KIF5B: variants seen among roughly 807,000 people sequenced by gnomAD.
KIF5B encodes the protein kinesin family member 5B, also known as kinesin-1 heavy chain.
KIF5B carries 49 observed loss-of-function variants against 132.8 expected under a neutral mutation model. That is an observed-to-expected ratio of 0.37 (90% CI 0.29 to 0.47). The LOEUF (loss-of-function observed/expected upper bound fraction) is 0.47. Among genes scored for constraint, KIF5B ranks in the 20% least tolerant of loss-of-function variants. KIF5B has a pLI of 1.00. For missense variants in KIF5B, 780 were observed against 1,144.0 expected (o/e 0.68, Z 4.59); for synonymous variants, 355 against 369.4 (o/e 0.96, Z 0.45).
intron 14 of KIF5B, among the ~76,000 whole-genome samples, chr10:32,029,718 C>T (rs1841378098): frequency 6.6e-6 from 1 of 152,202 alleles, no homozygotes; most frequent in South Asian, 2.1e-4. Context: ...TGATAGATTT[C>T]AGCTCCACAA....
intron 1 of KIF5B, 47 bp from the exon 2 acceptor site, chr10:32,048,598 A>G (rs143536412): frequency 8.2e-6 from 11 of 1,343,444 alleles, no homozygotes; most frequent in Middle Eastern, 3.6e-4. Context: ...AAGGTAAATG[A>G]ACATTTCTAA....
chr10:32,021,608 C>CA (rs397808999), intron 17 of KIF5B, among the ~76,000 whole-genome samples: 6 of 147,802 alleles, frequency 4.1e-5, no homozygotes, highest in Non-Finnish European at 7.5e-5. Flanking sequence ...CACACACACA[C>CA]CCCGCTTCGT....
chr10:32,039,288 G>T, intron 4 of KIF5B, 39 bp downstream of exon 4: 1 of 737,590 alleles, frequency 1.4e-6, no homozygotes, highest in Non-Finnish European at 2.3e-6. Flanking sequence ...CATTATTCTT[G>T]CTGTAAAATA....
intron 1 of KIF5B, among the ~76,000 whole-genome samples, chr10:32,050,411 T>C (rs1446406661): frequency 6.6e-6 from 1 of 152,236 alleles, no homozygotes; most frequent in East Asian, 1.9e-4. Context: ...GTTGTTATCC[T>C]GATAAAAAGG....
intron 2 of KIF5B, among the ~76,000 whole-genome samples, chr10:32,042,208 A>C (rs990373645): frequency 3.3e-5 from 5 of 152,188 alleles, no homozygotes; most frequent in African/African-American, 1.2e-4. Context: ...AAAAGAAAAA[A>C]AAACCCCAAC....
intron 25 of KIF5B, among the ~76,000 whole-genome samples, chr10:32,015,100 C>T (rs1175792799): frequency 1.4e-5 from 2 of 147,618 alleles, no homozygotes; most frequent in Admixed American, 6.8e-5. Context: ...CCAGGCTGGG[C>T]GACAAGAGTG....
chr10:32,025,407 A>C (rs185947699), intron 15 of KIF5B, among the ~76,000 whole-genome samples: 19 of 152,234 alleles, frequency 1.2e-4, no homozygotes, highest in Non-Finnish European at 1.8e-4. Flanking sequence ...ACAGAGTCTC[A>C]CTCTGTCACC....
chr10:32,048,890 C>G (rs954551646), intron 1 of KIF5B, among the ~76,000 whole-genome samples: 1 of 152,080 alleles, frequency 6.6e-6, no homozygotes, highest in African/African-American at 2.4e-5. Context: ...ATTTTTGAGA[C>G]AGGGTCTCGG....
chr10:32,030,962 A>G lies in KIF5B; in HGVS notation c.1581+111T>C, dbSNP rs1841396114. 3 of 736,588 alleles carry G rather than the reference A, an allele frequency of 4.1e-6. No individual in the cohort carries two copies. In the African/African-American group the frequency reaches 5.3e-5, roughly 13 times the overall value. 45.6% of individuals were successfully genotyped at this position (736,588 alleles called of 1,614,324 possible). A position where few individuals can be genotyped will look rare whatever the true frequency, so the allele number is the denominator to read the frequency against. ...GAAGTTGAAACCCGAGTCCTTGAAA[A>G]TTGATGTTATCGATATTTGACTTAC... On this transcript the variant is annotated intron_variant, in intron 14 of 25. Coordinates refer to ENST00000302418, the MANE Select transcript of KIF5B (RefSeq NM_004521.3).
At chr10:32,050,865 G>A (rs1426659513) in intron 1 of KIF5B, among the ~76,000 whole-genome samples, 1 of 152,168 alleles carries the variant, frequency 6.6e-6, no homozygotes, top group Admixed American at 6.5e-5. Context: ...GAACAATTCT[G>A]AAAACAAACG....
intron 20 of KIF5B, among the ~76,000 whole-genome samples, 170 bp from the exon 21 acceptor site, chr10:32,018,732 T>A (rs1232266838): frequency 1.3e-5 from 2 of 150,484 alleles, no homozygotes; most frequent in African/African-American, 4.9e-5. Context: ...AAAAAAAAAT[T>A]TTTTTTTTTT....
chr10:32,041,695 T>C (rs1841541338), intron 2 of KIF5B, among the ~76,000 whole-genome samples: 1 of 152,230 alleles, frequency 6.6e-6, no homozygotes, highest in African/African-American at 2.4e-5. Flanking sequence ...CATAGCTCAC[T>C]GGTCACTGCA....
chr10:32,024,790 A>G (rs999573351), intron 15 of KIF5B, among the ~76,000 whole-genome samples: 1 of 150,560 alleles, frequency 6.6e-6, no homozygotes, highest in Non-Finnish European at 1.5e-5. Flanking sequence ...AAAACTCAAC[A>G]ACAGGGCCAG....
chr10:32,041,236 AAGTTT>A (rs1196665499), intron 2 of KIF5B, among the ~76,000 whole-genome samples: 3 of 152,092 alleles, frequency 2.0e-5, no homozygotes, highest in Non-Finnish European at 4.4e-5. Context: ...GACTCCATCA[AAGTTT>A]AGTACATAAA....
In KIF5B at chr10:32,037,503, T is replaced by C. The variant is rs1413235806; in HGVS notation, c.586+17A>G. 1 of 1,597,490 alleles carries C rather than the reference T, an allele frequency of 6.3e-7. No individual in the cohort carries two copies. The highest frequency in any genetic ancestry group is 1.1e-5 in the South Asian group (1 of 90,690). On this transcript the variant is annotated intron_variant, in intron 7 of 25. Transcript: ENST00000302418. Reference sequence around the variant, plus strand: ...TAAGCTGGTTTTAAATCCTAACCAGTGTTATTTTCTACTTACTTGTAACTG... The same window carrying C: ...TAAGCTGGTTTTAAATCCTAACCAGCGTTATTTTCTACTTACTTGTAACTG...
rs1463841873 is a variant in KIF5B at position 32,031,216 on chromosome 10, C to G, written c.1438G>C (p.Glu480Gln). Reference protein sequence around the residue: ...MQAELNRLQAENDASKEEVKE... With the variant: ...MQAELNRLQAQNDASKEEVKE... Reference sequence around the variant, plus strand: ...ACTTCTTCTTTAGAGGCATCATTTTCTGCTTGAAGGCGATTCAGCTCAGCT... The same window carrying G: ...ACTTCTTCTTTAGAGGCATCATTTTGTGCTTGAAGGCGATTCAGCTCAGCT... The change falls in exon 14 of 26, where the codon GAA becomes CAA. Residue 480 changes from glutamate (E) to glutamine (Q), a missense_variant. By Grantham distance (29) the Glu-to-Gln change is conservative. Around this residue, in one of 9 missense-constraint regions of KIF5B, gnomAD observed 471 missense variants for 569.9 expected, o/e 0.83. Coordinates refer to ENST00000302418, the MANE Select transcript of KIF5B (RefSeq NM_004521.3). The G allele has an allele frequency of 6.2e-7, 1 of 1,614,020 alleles. No homozygotes were observed. The highest frequency in any genetic ancestry group is 1.1e-5 in the South Asian group (1 of 91,086).
intron 8 of KIF5B, among the ~76,000 whole-genome samples, chr10:32,036,868 C>G (rs546150894): frequency 6.6e-6 from 1 of 152,118 alleles, no homozygotes; most frequent in Admixed American, 6.5e-5. Flanking sequence ...GAAATAAGTC[C>G]AACCAAACCA....
intron 25 of KIF5B, among the ~76,000 whole-genome samples, chr10:32,012,258 C>T (rs575722688): frequency 3.9e-4 from 59 of 152,074 alleles, no homozygotes; most frequent in Non-Finnish European, 7.2e-4. Context: ...AGATCACCTG[C>T]GGTCAGGAGT....
Position 32,028,549 on chromosome 10 carries a change from G to C in KIF5B, c.1604C>G (p.Ala535Gly), listed in dbSNP as rs763644016. Residue 535 changes from alanine (A) to glycine (G), a missense_variant, in exon 15 of 26, where the codon GCT (alanine) becomes GGT (glycine). By Grantham distance (60) the Ala-to-Gly change is moderately conservative. This residue lies in a region of KIF5B where 471 missense variants were observed against 569.9 expected (regional missense o/e 0.83). Coordinates refer to ENST00000302418, the MANE Select transcript of KIF5B (RefSeq NM_004521.3). ...QKSATLASID[A>G]ELQKLKEMTN... The stretch of plus-strand genomic sequence containing the variant: ...CATTTCCTTAAGTTTCTGAAGCTCA[G>C]CATCTATACTCGCTAAAGTTGCCTA... 2.5e-6 allele frequency: 4 copies of C among 1,613,388 alleles called. No homozygotes were observed. Among genetic ancestry groups the C allele is most frequent in the South Asian group, 1.1e-5 (1 of 90,978 alleles).
Sources: gnomAD v4.1 joint callset for allele counts (sites outside exome capture counted in the v4.1 genomes callset) on GRCh38, gnomAD v4.1.1 for gene constraint, gnomAD v4.1.1 regional missense constraint, MANE v1.5 for transcripts, NCBI Gene and HGNC (gene_info 2026-07-23, HGNC 2026-07-21) for gene names.